The following CIMIP1 variants were observed in gnomAD, a reference collection of about 807,000 sequenced individuals.
The protein encoded by CIMIP1 is ciliary microtubule inner protein 1.
At chr20:58,155,374 C>A in the CIMIP1 span, 1 of 1,017,522 alleles carries the variant, frequency 9.8e-7, no homozygotes, top group Non-Finnish European at 1.5e-6. Flanking sequence ...ACTCCCCCAG[C>A]TTCACCTGAG....
At chr20:58,159,953 C>G in the CIMIP1 span, among the ~76,000 whole-genome samples, 1 of 152,210 alleles carries the variant, frequency 6.6e-6, no homozygotes, top group Non-Finnish European at 1.5e-5. Flanking sequence ...TAAAAGTGAA[C>G]TCATAACCCC....
chr20:58,160,215 C>T, the CIMIP1 span, among the ~76,000 whole-genome samples: 52,177 of 151,962 alleles, frequency 0.34, 9,646 homozygotes, highest in Middle Eastern at 0.44. Context: ...GCTTTTCATT[C>T]CTGTGATCTC....
chr20:58,153,614 C>T, the CIMIP1 span: 1 of 1,611,678 alleles, frequency 6.2e-7, no homozygotes, highest in Non-Finnish European at 8.5e-7. Context: ...TTTAACAACC[C>T]CTTTTGAGGA....
chr20:58,157,576 T>A, the CIMIP1 span, among the ~76,000 whole-genome samples: 1 of 152,338 alleles, frequency 6.6e-6, no homozygotes, highest in Non-Finnish European at 1.5e-5. Context: ...AAAAAAGCAC[T>A]CTAAATAGCT....
At chr20:58,151,118 C>T in the CIMIP1 span, 1 of 1,316,094 alleles carries the variant, frequency 7.6e-7, no homozygotes, top group South Asian at 1.3e-5. Context: ...CCACCAAGTC[C>T]GGGAAGTGAT....
At chr20:58,160,859 G>A in the CIMIP1 span, 29 of 1,586,442 alleles carry the variant, frequency 1.8e-5, no homozygotes, top group East Asian at 4.7e-4. Context: ...GCTGCATATC[G>A]GTCACCAGGC....
chr20:58,155,194 G>A, the CIMIP1 span, among the ~76,000 whole-genome samples: 8 of 152,266 alleles, frequency 5.3e-5, no homozygotes, highest in Non-Finnish European at 2.9e-5. Flanking sequence ...GCTGTGGTGA[G>A]CAGCAGGAGG....
At chr20:58,158,321 C>T in the CIMIP1 span, among the ~76,000 whole-genome samples, 1 of 152,208 alleles carries the variant, frequency 6.6e-6, no homozygotes, top group Non-Finnish European at 1.5e-5. Flanking sequence ...AGGTCCCCAG[C>T]CTCTGCTTCC....
chr20:58,154,752 G>A, the CIMIP1 span, among the ~76,000 whole-genome samples: 217 of 152,226 alleles, frequency 1.4e-3, 1 homozygote, highest in African/African-American at 4.8e-3. Context: ...GGGAGTGGAC[G>A]CTCTCCTCTA....
chr20:58,153,763 G>A, the CIMIP1 span: 3 of 661,588 alleles, frequency 4.5e-6, no homozygotes, highest in African/African-American at 1.8e-5. Context: ...AAACCAGAAG[G>A]TTCCCGCCTT....
chr20:58,153,633 T>G, the CIMIP1 span: 3 of 1,581,176 alleles, frequency 1.9e-6, no homozygotes, highest in Admixed American at 5.0e-5. Flanking sequence ...GAGGTAAATA[T>G]AAATTGTATG....
chr20:58,150,927 G>A, the CIMIP1 span: 3 of 1,579,060 alleles, frequency 1.9e-6, no homozygotes, highest in Admixed American at 3.7e-5. Context: ...CTGAGCCCAG[G>A]GCCAGAGCTT....
chr20:58,153,495 C>T, the CIMIP1 span: 6 of 1,455,564 alleles, frequency 4.1e-6, no homozygotes, highest in South Asian at 5.7e-5. Context: ...CCACAGACCC[C>T]TTGAACCTTT....
chr20:58,160,583 C>A, the CIMIP1 span: 7 of 1,473,438 alleles, frequency 4.8e-6, no homozygotes, highest in East Asian at 2.4e-5. Context: ...CTTTTCCACC[C>A]CTGCCTCACA....
At chr20:58,155,545 G>T in the CIMIP1 span, 1 of 1,614,194 alleles carries the variant, frequency 6.2e-7, no homozygotes, top group South Asian at 1.1e-5. Context: ...TCCGGCCGGT[G>T]ACCCCAGTGG....
At chr20:58,151,762 T>C in the CIMIP1 span, among the ~76,000 whole-genome samples, 1 of 152,186 alleles carries the variant, frequency 6.6e-6, no homozygotes, top group African/African-American at 2.4e-5. Context: ...TTGTTAAATT[T>C]GAATGAAGTA....
chr20:58,157,633 A>G, the CIMIP1 span, among the ~76,000 whole-genome samples: 1 of 151,170 alleles, frequency 6.6e-6, no homozygotes, highest in Non-Finnish European at 1.5e-5. Flanking sequence ...ATCTGTCATA[A>G]TTTATTTAAC....
the CIMIP1 span, chr20:58,160,886 G>A: frequency 6.5e-7 from 1 of 1,542,186 alleles, no homozygotes; most frequent in African/African-American, 1.4e-5. Context: ...GGCCATGCCA[G>A]GGAAAGGAAG....
At chr20:58,151,405 TTTTG>T in the CIMIP1 span, among the ~76,000 whole-genome samples, 65 of 152,084 alleles carry the variant, frequency 4.3e-4, 1 homozygote, top group African/African-American at 5.5e-4. Context: ...GACTGATGAT[TTTTG>T]TTTGTTTGTT....
Sources: gnomAD v4.1 joint callset for allele counts (sites outside exome capture counted in the v4.1 genomes callset) on GRCh38, gnomAD v4.1.1 for gene constraint, MANE v1.5 for transcripts, NCBI Gene and HGNC (gene_info 2026-07-23, HGNC 2026-07-21) for gene names.